Variants in R3HDM1 observed in about 807,000 individuals in gnomAD.
The protein encoded by R3HDM1 is R3H domain containing 1.
In R3HDM1, 46 loss-of-function variants were observed where a neutral mutation model predicts 141.1. The observed-to-expected ratio is 0.33, with a 90% confidence interval of 0.26 to 0.42. The LOEUF is 0.42. Ranked by LOEUF, R3HDM1 falls within the 10% of genes least tolerant of loss-of-function variation. R3HDM1 has a pLI of 1.00. For synonymous variants in R3HDM1, 435 were observed against 472.9 expected, an observed-to-expected ratio of 0.92 and a Z score of 1.04; for missense variants, 1,184 against 1,368.3, an observed-to-expected ratio of 0.87 and a Z score of 2.12.
intron 1 of R3HDM1, among the ~76,000 whole-genome samples, chr2:135,587,546 A>G (rs1323840637): frequency 1.3e-5 from 2 of 152,188 alleles, no homozygotes; most frequent in Admixed American, 6.6e-5. Context: ...AAATATTAAT[A>G]GCTATTATTA....
chr2:135,620,892 G>A (rs1217599830), intron 5 of R3HDM1, among the ~76,000 whole-genome samples: 1 of 151,998 alleles, frequency 6.6e-6, no homozygotes, highest in Non-Finnish European at 1.5e-5. Flanking sequence ...GTATCTGTAA[G>A]GATACAATTT....
At chr2:135,558,546 T>G (rs1305703934) in intron 1 of R3HDM1, among the ~76,000 whole-genome samples, 1 of 152,238 alleles carries the variant, frequency 6.6e-6, no homozygotes, top group Non-Finnish European at 1.5e-5. Flanking sequence ...TGCCTGGCAC[T>G]CACCTAGCAT....
chr2:135,659,523 G>C (rs2066416040), intron 18 of R3HDM1, among the ~76,000 whole-genome samples: 1 of 151,598 alleles, frequency 6.6e-6, no homozygotes, highest in African/African-American at 2.4e-5. Flanking sequence ...CTGCAGCTGT[G>C]ACCTCCTGGG....
Position 135,724,459 on chromosome 2 carries a change from T to C in R3HDM1, c.*167T>C, listed in dbSNP as rs905885377. ...GTGATCCAGCAAAGGGGGAAAAATA[T>C]GCATTTCACCCCACATGACTAGGAA... On this transcript the variant is annotated 3_prime_UTR_variant, in exon 27 of 27. Coordinates refer to ENST00000683871, the MANE Select transcript of R3HDM1 (RefSeq NM_001378107.1). The C allele has an allele frequency of 5.4e-6, 3 of 555,618 alleles. No homozygotes were observed. The highest frequency in any genetic ancestry group is 6.7e-5 in the Admixed American group (2 of 30,028). 34.4% of individuals were successfully genotyped at this position (555,618 alleles called of 1,614,324 possible).
chr2:135,534,333 C>T (rs1695572757), intron 1 of R3HDM1, among the ~76,000 whole-genome samples: 1 of 152,188 alleles, frequency 6.6e-6, no homozygotes, highest in African/African-American at 2.4e-5. Flanking sequence ...CTGTTTAATA[C>T]AGAGTTAAGA....
chr2:135,616,476 A>G (rs536772427), intron 4 of R3HDM1, among the ~76,000 whole-genome samples, 192 bp from the exon 5 acceptor site: 99 of 152,342 alleles, frequency 6.5e-4, no homozygotes, highest in African/African-American at 2.2e-3. Flanking sequence ...ATAATTTTCA[A>G]AACTGCAAAT....
intron 1 of R3HDM1, chr2:135,581,407 T>C (rs1281991572): frequency 2.0e-6 from 2 of 982,606 alleles, no homozygotes; most frequent in African/African-American, 1.7e-5. Flanking sequence ...TATAATTATC[T>C]GTGTAGTCTT....
intron 23 of R3HDM1, among the ~76,000 whole-genome samples, chr2:135,713,315 A>G (rs1273062375): frequency 2.0e-5 from 3 of 152,238 alleles, no homozygotes; most frequent in Non-Finnish European, 2.9e-5. Context: ...AATTGGGAAA[A>G]TTCAGGAAGA....
intron 19 of R3HDM1, among the ~76,000 whole-genome samples, chr2:135,663,134 CAAAAAAAAA>C (rs555551580): frequency 4.4e-5 from 4 of 90,882 alleles, no homozygotes; most frequent in Non-Finnish European, 8.2e-5. Context: ...GCCTCTCTGC[CAAAAAAAAA>C]AAAAAAAAAA....
intron 1 of R3HDM1, among the ~76,000 whole-genome samples, chr2:135,540,684 T>C (rs569066444): frequency 1.3e-5 from 2 of 152,256 alleles, no homozygotes; most frequent in South Asian, 2.1e-4. Flanking sequence ...TCCCAGAGTG[T>C]TGGGATTATA....
chr2:135,604,861 A>G lies in R3HDM1; in HGVS notation c.16A>G (p.Thr6Ala). The change falls in exon 3 of 27, where the codon ACT (threonine) becomes GCT (alanine). Residue 6 changes from threonine (T) to alanine (A), a missense_variant. Physicochemically the swap from Thr to Ala is moderately conservative, Grantham distance 58. This residue lies in a region of R3HDM1 where 192 missense variants were observed against 215.7 expected (regional missense o/e 0.89). Transcript: ENST00000683871. The stretch of plus-strand genomic sequence containing the variant: ...ACCTTTTCTAATGAGGATGTCTGAT[A>G]CTGTTACTGTAAAAGATGAAACTGC... Reference protein sequence around the residue: MRMSDTVTVKDETATM... With the variant: MRMSDAVTVKDETATM... 3 of 1,612,266 alleles carry G rather than the reference A, an allele frequency of 1.9e-6. No individual in the cohort carries two copies. Among genetic ancestry groups the G allele is most frequent in the Non-Finnish European group, 2.5e-6 (3 of 1,178,884 alleles).
At chr2:135,550,601 A>G (rs1232756290) in intron 1 of R3HDM1, among the ~76,000 whole-genome samples, 3 of 152,184 alleles carry the variant, frequency 2.0e-5, no homozygotes, top group Admixed American at 2.0e-4. Flanking sequence ...TTGTTTGTGA[A>G]AGTCACACCA....
rs145336260 is a variant in R3HDM1, at chr2:135,601,261, G to A, written c.-249-1239G>A. The stretch of plus-strand genomic sequence containing the variant: ...TGAGATGACACGGTATCAATTAAAA[G>A]TTTTTTGATATTTGTTTTTGATACC... On this transcript the variant is annotated intron_variant, in intron 1 of 26. Coordinates refer to ENST00000683871, the MANE Select transcript of R3HDM1 (RefSeq NM_001378107.1). 4.7e-3 allele frequency among the ~76,000 whole-genome samples: 722 copies of A among 152,230 alleles called. 5 individuals are homozygous for A. Among genetic ancestry groups the A allele is most frequent in the Middle Eastern group, 0.01 (3 of 294 alleles).
chr2:135,666,132 A>G (rs1476045085), intron 19 of R3HDM1, among the ~76,000 whole-genome samples: 2 of 152,184 alleles, frequency 1.3e-5, no homozygotes, highest in Non-Finnish European at 2.9e-5. Flanking sequence ...GAACGACACT[A>G]TGGAAGAAAC....
intron 1 of R3HDM1, among the ~76,000 whole-genome samples, chr2:135,591,010 G>A (rs964084484): frequency 1.3e-5 from 2 of 152,172 alleles, no homozygotes; most frequent in Non-Finnish European, 2.9e-5. Flanking sequence ...TGGCACATTA[G>A]TAGTTATGAA....
At chr2:135,701,250 A>T (rs985358410) in intron 21 of R3HDM1, among the ~76,000 whole-genome samples, 44 of 151,566 alleles carry the variant, frequency 2.9e-4, no homozygotes, top group Non-Finnish European at 5.5e-4. Flanking sequence ...AAAAACTATA[A>T]AAATTAGCCA....
chr2:135,555,977 C>T (rs1410096296), intron 1 of R3HDM1, among the ~76,000 whole-genome samples: 1 of 152,004 alleles, frequency 6.6e-6, no homozygotes, highest in African/African-American at 2.4e-5. Context: ...GATCTTGCCA[C>T]TGTACTCCAA....
At chr2:135,555,508 TAA>T (rs1345239002) in intron 1 of R3HDM1, among the ~76,000 whole-genome samples, 24 of 152,100 alleles carry the variant, frequency 1.6e-4, no homozygotes, top group Non-Finnish European at 7.4e-5. Context: ...CTCAATTTGT[TAA>T]ACACTTAAAT....
intron 21 of R3HDM1, 40 bp from the exon 22 acceptor site, chr2:135,709,393 A>T: frequency 6.3e-7 from 1 of 1,587,652 alleles, no homozygotes; most frequent in Non-Finnish European, 8.6e-7. Context: ...GTTTATAGTC[A>T]TCCTCCTCTC....
Sources: gnomAD v4.1 joint callset for allele counts (sites outside exome capture counted in the v4.1 genomes callset) on GRCh38, gnomAD v4.1.1 for gene constraint, gnomAD v4.1.1 regional missense constraint, MANE v1.5 for transcripts, NCBI Gene and HGNC (gene_info 2026-07-23, HGNC 2026-07-21) for gene names.